Variants in SLC22A23 observed in about 807,000 individuals in gnomAD.
The protein encoded by SLC22A23 is ion transporter protein.
Under a neutral mutation model 61.0 loss-of-function variants are expected in SLC22A23, and 26 were observed. The ratio of observed to expected loss-of-function variants is 0.43; its 90% confidence interval spans 0.31 to 0.59. The LOEUF (loss-of-function observed/expected upper bound fraction) is 0.59, where lower values mean the gene tolerates loss of function less well. Ranked by LOEUF, SLC22A23 falls within the 20% of genes least tolerant of loss-of-function variation. The probability of loss-of-function intolerance (pLI) is 0.11; values close to 1 mark genes in which losing one functional copy is unlikely to be tolerated. For synonymous variants in SLC22A23, 430 were observed against 413.9 expected (o/e 1.04, Z -0.47); for missense variants, 796 against 934.7 (o/e 0.85, Z 1.94).
rs1001604294 is a variant in SLC22A23, at chr6:3,456,299, G to T, written c.261C>A (p.Phe87Leu). The change falls in exon 1 of 10, where the codon TTC (phenylalanine) becomes TTA (leucine). Residue 87 changes from phenylalanine to leucine, a missense_variant. By Grantham distance (22) the Phe-to-Leu change is conservative. Transcript: ENST00000406686. The surrounding 1 kb of genome is among the most constrained non-coding windows in gnomAD (Gnocchi z 7.1). The part of the protein sequence containing the change: ...LLDYDGSVLP[F>L]LGGLGGGYQK... ...GATAGCCCCCGCCCAGGCCCCCGAG[G>T]AAGGGCAGCACCGACCCGTCATAGT... is the stretch of plus-strand genomic sequence containing the variant. 1.9e-6 allele frequency: 3 copies of T among 1,550,900 alleles called. No homozygotes were observed. Among genetic ancestry groups the T allele is most frequent in the Non-Finnish European group, 2.6e-6 (3 of 1,146,758 alleles).
At chr6:3,399,799 C>A (rs1768256602) in intron 3 of SLC22A23, among the ~76,000 whole-genome samples, 1 of 152,188 alleles carries the variant, frequency 6.6e-6, no homozygotes, top group Non-Finnish European at 1.5e-5. Context: ...TAGGAATGAT[C>A]TGTCCAGGAG....
At chr6:3,380,055 G>T (rs1021844368) in intron 3 of SLC22A23, among the ~76,000 whole-genome samples, 6 of 152,170 alleles carry the variant, frequency 3.9e-5, no homozygotes, top group Non-Finnish European at 5.9e-5. Flanking sequence ...GGATGAGGGG[G>T]CTAGAGGGTG....
chr6:3,386,721 G>A lies in SLC22A23; in HGVS notation c.913+23467C>T, dbSNP rs374420160. The stretch of plus-strand genomic sequence containing the variant: ...GGGACCTGCCCCAGGGTCACCCAGC[G>A]TGGGAGGGGTGGAGGCGGCAGTGGG... On this transcript the variant is annotated intron_variant, in intron 3 of 9. Transcript: ENST00000406686. This position sits in a 1 kb window ranked among gnomAD's most constrained non-coding sequence, Gnocchi z 4.4. 1.2e-4 allele frequency among the ~76,000 whole-genome samples: 18 copies of A among 152,314 alleles called. No homozygotes were observed. The highest frequency in any genetic ancestry group is 9.7e-4 in the East Asian group (5 of 5,174).
intron 4 of SLC22A23, among the ~76,000 whole-genome samples, chr6:3,314,438 ATC>A (rs1460046773): frequency 6.6e-6 from 1 of 152,132 alleles, no homozygotes; most frequent in African/African-American, 2.4e-5. Context: ...GCAACACCGC[ATC>A]TCTCTGTGCC....
intron 3 of SLC22A23, among the ~76,000 whole-genome samples, chr6:3,405,968 T>G (rs961158615): frequency 6.6e-6 from 1 of 152,222 alleles, no homozygotes; most frequent in Non-Finnish European, 1.5e-5. Context: ...TCATTTAGGC[T>G]GTTTGGGTTG....
At chr6:3,337,805 G>A (rs9503550) in intron 3 of SLC22A23, among the ~76,000 whole-genome samples, 36,916 of 152,244 alleles carry the variant, frequency 0.24, 5,805 homozygotes, top group African/African-American at 0.44. Context: ...ACAAGATCAG[G>A]AAGTTGTGAA....
chr6:3,330,825 A>G lies in SLC22A23; in HGVS notation c.914-6823T>C, dbSNP rs1763541616. On this transcript the variant is annotated intron_variant, in intron 3 of 9. Transcript: ENST00000406686. The surrounding 1 kb of genome is among the most constrained non-coding windows in gnomAD (Gnocchi z 4.7). ...TGAAAGAGTAGTTTTCTCCATTTAGAGAAAGGGAAAATTTTAAAAAACAGA... is the reference window on the plus strand; with the variant it reads ...TGAAAGAGTAGTTTTCTCCATTTAGGGAAAGGGAAAATTTTAAAAAACAGA... Among the ~76,000 whole-genome samples the G allele has an allele frequency of 6.6e-6, 1 of 152,244 alleles. No individual in the cohort carries two copies. The highest frequency in any genetic ancestry group is 2.1e-4 in the South Asian group (1 of 4,838).
Position 3,410,339 on chromosome 6 carries a change from G to A in SLC22A23, c.762C>T (p.Val254=), listed in dbSNP as rs778138587. 40 of 1,602,678 alleles carry A rather than the reference G, an allele frequency of 2.5e-5. No individual in the cohort carries two copies. The highest frequency in any genetic ancestry group is 4.0e-5 in the African/African-American group (3 of 74,442). The stretch of plus-strand genomic sequence containing the variant: ...AAAACAGCAGCACAGGCCGCCGGCC[G>A]ACCCTGCATATGGAGAGGGAAAAAG... ...YLITGCIADW[V]GRRPVLLFSI... Residue 254 remains valine (V), a synonymous_variant, in exon 3 of 10, where the codon GTC becomes GTT. Transcript: ENST00000406686. This position sits in a 1 kb window ranked among gnomAD's most constrained non-coding sequence, Gnocchi z 5.0.
At chr6:3,378,636 T>G (rs897067682) in intron 3 of SLC22A23, among the ~76,000 whole-genome samples, 1 of 144,122 alleles carries the variant, frequency 6.9e-6, no homozygotes, top group Non-Finnish European at 1.5e-5. Context: ...TGTGTCAGAC[T>G]TTTTTTTTCT....
intron 3 of SLC22A23, among the ~76,000 whole-genome samples, chr6:3,373,171 G>C (rs1766335751): frequency 6.6e-6 from 1 of 152,224 alleles, no homozygotes; most frequent in Non-Finnish European, 1.5e-5. Context: ...GCCTGTGCCT[G>C]TGTGACCAGT....
chr6:3,438,052 G>T (rs935832240), intron 1 of SLC22A23, among the ~76,000 whole-genome samples: 2 of 152,088 alleles, frequency 1.3e-5, no homozygotes, highest in Admixed American at 6.5e-5. Flanking sequence ...GAACATCTTT[G>T]TTGCCTGCTT....
rs1013158801 is a variant in SLC22A23 at position 3,387,571 on chromosome 6, C to T, written c.913+22617G>A. ...AAAGTCCGTCGTTTAGTTAGTCCCA[C>T]GACAACGTCCGTTTCTCAGCTCTGG... On this transcript the variant is annotated intron_variant, in intron 3 of 9. Transcript: ENST00000406686. The surrounding 1 kb of genome is among the most constrained non-coding windows in gnomAD (Gnocchi z 5.0). Among the ~76,000 whole-genome samples the T allele has an allele frequency of 9.8e-5, 15 of 152,316 alleles. No homozygotes were observed. The highest frequency in any genetic ancestry group is 4.1e-4 in the South Asian group (2 of 4,830).
chr6:3,287,527 C>T (rs144589186), intron 6 of SLC22A23, among the ~76,000 whole-genome samples: 67 of 152,246 alleles, frequency 4.4e-4, no homozygotes, highest in Middle Eastern at 3.4e-3. Context: ...GGCGGGTAAG[C>T]GGCAACTCAG....
At chr6:3,447,897 C>T (rs6596972) in intron 1 of SLC22A23, among the ~76,000 whole-genome samples, 64,313 of 82,096 alleles carry the variant, frequency 0.78, 26,029 homozygotes, top group African/African-American at 0.93. Context: ...CTCTCTCTCT[C>T]TTTTTTTTTT....
intron 3 of SLC22A23, among the ~76,000 whole-genome samples, chr6:3,361,296 C>CTT (rs60401285): frequency 9.0e-5 from 13 of 145,124 alleles, no homozygotes; most frequent in Admixed American, 6.9e-4. Context: ...CTACATCATT[C>CTT]TTTTTTTTTT....
At chr6:3,359,206 G>A (rs1342351374) in intron 3 of SLC22A23, among the ~76,000 whole-genome samples, 3 of 151,672 alleles carry the variant, frequency 2.0e-5, no homozygotes, top group African/African-American at 7.3e-5. Context: ...CATGCCAGCT[G>A]AGACTCATTT....
chr6:3,298,360 A>G, intron 4 of SLC22A23, 142 bp from the exon 5 acceptor site: 1 of 895,092 alleles, frequency 1.1e-6, no homozygotes, highest in Non-Finnish European at 1.6e-6. Flanking sequence ...GGGGAGATAA[A>G]ACTGTGGGCA....
intron 1 of SLC22A23, among the ~76,000 whole-genome samples, chr6:3,455,636 T>G (rs1772361007): frequency 1.3e-5 from 2 of 152,242 alleles, no homozygotes; most frequent in South Asian, 4.1e-4. Flanking sequence ...ACAGGTCAGC[T>G]GCCTCGCCCC....
chr6:3,441,999 C>T (rs1180928376), intron 1 of SLC22A23, among the ~76,000 whole-genome samples: 2 of 152,200 alleles, frequency 1.3e-5, no homozygotes, highest in East Asian at 3.9e-4. Context: ...GCCGCACATG[C>T]ACCATAGCCA....
Sources: allele counts gnomAD v4.1 joint callset (sites outside exome capture counted in the v4.1 genomes callset), GRCh38; gene constraint gnomAD v4.1.1; non-coding constraint Gnocchi (gnomAD v3.1); transcripts MANE v1.5; gene names NCBI Gene and HGNC (gene_info 2026-07-23, HGNC 2026-07-21).